Variants in CAPN1 observed in about 807,000 individuals in gnomAD.
The protein encoded by CAPN1 is calpain-1 catalytic subunit.
Under a neutral mutation model 105.2 loss-of-function variants are expected in CAPN1, and 77 were observed. The ratio of observed to expected loss-of-function variants is 0.73; its 90% CI spans 0.61 to 0.88. The LOEUF is 0.88. Ranked by LOEUF, CAPN1 falls within the 40% of genes least tolerant of loss-of-function variation. CAPN1 has a pLI of 0.00. For missense variants in CAPN1, 833 were observed against 976.6 expected (o/e 0.85, Z 1.96); for synonymous variants, 355 against 388.8 (o/e 0.91, Z 1.02).
intron 10 of CAPN1, among the ~76,000 whole-genome samples, chr11:65,203,081 C>A (rs1264671791): frequency 2.0e-5 from 3 of 152,192 alleles, no homozygotes; most frequent in Non-Finnish European, 4.4e-5. Context: ...CTCTTTGTTG[C>A]CAAATAATAT....
Position 65,210,430 on chromosome 11 carries a change from G to T in CAPN1, c.2037G>T (p.Leu679=), listed in dbSNP as rs1426115631. 2 of 1,610,858 alleles carry T rather than the reference G, an allele frequency of 1.2e-6. No homozygotes were observed. The highest frequency in any genetic ancestry group is 2.7e-5 in the African/African-American group (2 of 74,836). The part of the protein sequence containing the change: ...AVDFDNFVCC[L]VRLETMFRFF... ...ACTTTGACAATTTCGTTTGCTGCCT[G>T]GTGCGGCTAGAGACCATGTTCCGTG... Residue 679 remains leucine, a synonymous_variant, in exon 20 of 22, where the codon CTG becomes CTT. Coordinates refer to ENST00000279247, the MANE Select transcript of CAPN1 (RefSeq NM_005186.4). This position sits in a 1 kb window ranked among gnomAD's most constrained non-coding sequence, Gnocchi z 4.3.
At position 65,186,357 on chromosome 11, in the gene CAPN1, G is replaced by A. The variant is rs778450888; in HGVS notation, c.759+19G>A. The A allele has an allele frequency of 8.1e-6, 13 of 1,598,080 alleles. No homozygotes were observed. In the East Asian group the frequency reaches 1.1e-4, roughly 14 times the overall value. ...CATAGACGTGAGTGTGCCCGGCCCC[G>A]ATGCTTTGGTACCCTGGAACCCTGG... On this transcript the variant is annotated intron_variant, in intron 6 of 21. Coordinates refer to ENST00000279247, the MANE Select transcript of CAPN1 (RefSeq NM_005186.4).
At chr11:65,186,793 A>G (rs1245336996) in intron 6 of CAPN1, among the ~76,000 whole-genome samples, 1 of 151,856 alleles carries the variant, frequency 6.6e-6, no homozygotes, top group Non-Finnish European at 1.5e-5. Context: ...CCCCAGTATC[A>G]CTGCCATCCG....
In CAPN1 at chr11:65,206,664, G is replaced by T; in HGVS notation, c.1555G>T (p.Ala519Ser). The T allele has an allele frequency of 6.2e-7, 1 of 1,613,220 alleles. No homozygotes were observed. The highest frequency in any genetic ancestry group is 8.5e-7 in the Non-Finnish European group (1 of 1,179,804). ...FVLRFFSEKS[A>S]GTVELDDQIQ... ...GCTGCGCTTCTTCTCAGAGAAGAGT[G>T]CTGGGACTGTGTGAGTCATGGACTG... is the stretch of plus-strand genomic sequence containing the variant. Residue 519 changes from alanine (A) to serine (S), a missense_variant, in exon 13 of 22, where the codon GCT (alanine) becomes TCT (serine). Physicochemically the swap from Ala to Ser is moderately conservative, Grantham distance 99. Transcript: ENST00000279247.
intron 10 of CAPN1, among the ~76,000 whole-genome samples, chr11:65,195,109 T>TG (rs373715697): frequency 0.011 from 651 of 58,548 alleles, 15 homozygotes; most frequent in Non-Finnish European, 0.015. Context: ...GGTTTTTTTT[T>TG]TTTTTTTTTT....
intron 10 of CAPN1, among the ~76,000 whole-genome samples, chr11:65,201,508 TTTTC>T (rs943197484): frequency 1.5e-4 from 23 of 152,210 alleles, no homozygotes; most frequent in African/African-American, 4.8e-4. Flanking sequence ...GGAGGTTTAA[TTTTC>T]TTTCTTTCTT....
Position 65,182,968 on chromosome 11 carries a change from G to A in CAPN1, c.267G>A (p.Thr89=), listed in dbSNP as rs775574707. 10 of 1,613,342 alleles carry A rather than the reference G, an allele frequency of 6.2e-6. No homozygotes were observed. The highest frequency in any genetic ancestry group is 8.5e-6 in the Non-Finnish European group (10 of 1,179,684). Residue 89 remains threonine, a splice_region_variant and synonymous_variant, in exon 2 of 22, where the codon ACG becomes ACA. Transcript: ENST00000279247. ...ATGGCATCAAGTGGAAGCGTCCCAC[G>A]GTGAGAGGGGCCATCCTGGGTGGGA... is the stretch of plus-strand genomic sequence containing the variant. The part of the protein sequence containing the change: ...KTYGIKWKRP[T]ELLSNPQFIV...
chr11:65,183,381 C>A, intron 3 of CAPN1, 93 bp from the exon 4 acceptor site: 2 of 1,178,152 alleles, frequency 1.7e-6, no homozygotes, highest in Admixed American at 1.9e-5. Context: ...TAAGTGGCAC[C>A]CTGGCCAAGG....
Position 65,210,920 on chromosome 11 carries a change from G to A in CAPN1, c.2118+48G>A, listed in dbSNP as rs770668658. ...GGTTGGGGAAGAGTTCCAGGCGATC[G>A]AATTTTCTTATCTGGCCAGTGTTCC... On this transcript the variant is annotated intron_variant, in intron 21 of 21. Transcript: ENST00000279247. The surrounding 1 kb of genome is among the most constrained non-coding windows in gnomAD (Gnocchi z 4.3). The A allele has an allele frequency of 3.6e-5, 53 of 1,492,912 alleles. No individual in the cohort carries two copies. In the South Asian group the frequency reaches 5.1e-4, roughly 14 times the overall value. The allele number at this position is 1,492,912 out of a possible 1,614,324, so 92.5% of individuals were successfully genotyped here.
chr11:65,206,451 C>T lies in CAPN1; in HGVS notation c.1354-12C>T, dbSNP rs28513968. On this transcript the variant is annotated splice_polypyrimidine_tract_variant and intron_variant, in intron 12 of 21. Coordinates refer to ENST00000279247, the MANE Select transcript of CAPN1 (RefSeq NM_005186.4). ...GGCAGCTGCAGCCCTGCTCCCTCCTCCCTCCCACCAGCTGGTGGGCCAGCC... is the reference window on the plus strand; with the variant it reads ...GGCAGCTGCAGCCCTGCTCCCTCCTTCCTCCCACCAGCTGGTGGGCCAGCC... 1.2e-6 allele frequency: 2 copies of T among 1,610,190 alleles called. No homozygotes were observed. The highest frequency in any genetic ancestry group is 1.7e-5 in the Admixed American group (1 of 60,004).
Position 65,182,884 on chromosome 11 carries a change from C to G in CAPN1, c.183C>G (p.Phe61Leu). The G allele has an allele frequency of 6.2e-7, 1 of 1,603,858 alleles. No homozygotes were observed. The highest frequency in any genetic ancestry group is 8.5e-7 in the Non-Finnish European group (1 of 1,175,374). The change falls in exon 2 of 22, where the codon TTC (phenylalanine) becomes TTG (leucine). Residue 61 changes from phenylalanine (F) to leucine (L), a missense_variant. Phe to Leu is a conservative substitution (Grantham distance 22, BLOSUM62 0). Coordinates refer to ENST00000279247, the MANE Select transcript of CAPN1 (RefSeq NM_005186.4). ...QSGTLFRDEAFPPVPQSLGYK... is the reference protein window; with the variant it reads ...QSGTLFRDEALPPVPQSLGYK... ...GGACCCTCTTCCGTGATGAGGCCTT[C>G]CCCCCGGTACCCCAGAGCCTGGGTT...
intron 14 of CAPN1, among the ~76,000 whole-genome samples, chr11:65,207,344 C>T (rs916900043): frequency 6.6e-6 from 1 of 151,532 alleles, no homozygotes; most frequent in African/African-American, 2.4e-5. Context: ...GGATTACAGG[C>T]GCACGTTACC....
chr11:65,201,719 C>A lies in CAPN1; in HGVS notation c.1166-2964C>A, dbSNP rs1374509066. Among the ~76,000 whole-genome samples the A allele has an allele frequency of 4.6e-5, 7 of 151,824 alleles. No homozygotes were observed. The South Asian group carries it at 1.2e-3, about 27-fold the overall frequency. The stretch of plus-strand genomic sequence containing the variant: ...ATTTTTAGTAGAGACGGGGTTTCAC[C>A]GTGTTAGCCAGGATGGTCTCGATCT... On this transcript the variant is annotated intron_variant, in intron 10 of 21. Transcript: ENST00000279247.
intron 11 of CAPN1, 144 bp downstream of exon 11, chr11:65,205,002 C>A (rs1364568985): frequency 2.9e-6 from 2 of 692,414 alleles, no homozygotes; most frequent in Non-Finnish European, 4.8e-6. Flanking sequence ...CCCCACCATC[C>A]TGAGGGCTGG....
chr11:65,188,453 C>G lies in CAPN1; in HGVS notation c.969C>G (p.Asp323Glu), dbSNP rs1466517731. The G allele has an allele frequency of 6.2e-7, 1 of 1,613,198 alleles. No homozygotes were observed. Among genetic ancestry groups the G allele is most frequent in the East Asian group, 2.2e-5 (1 of 44,862 alleles). Residue 323 changes from aspartate (D) to glutamate (E), a missense_variant, in exon 9 of 22, where the codon GAC (aspartate) becomes GAG (glutamate). Transcript: ENST00000279247. This position sits in a 1 kb window ranked among gnomAD's most constrained non-coding sequence, Gnocchi z 5.5. ...EWNNVDPYER[D>E]QLRVKMEDGE... ...ACAACGTGGACCCATATGAACGGGA[C>G]CAGCTCCGGGTCAAGATGGAGGACG... is the stretch of plus-strand genomic sequence containing the variant.
intron 21 of CAPN1, 155 bp downstream of exon 21, chr11:65,211,027 G>A (rs1949040660): frequency 1.3e-6 from 1 of 782,770 alleles, no homozygotes; most frequent in Non-Finnish European, 2.1e-6. Flanking sequence ...GCTGGGGTGG[G>A]GGTGTCTGGA....
chr11:65,210,240 G>T lies in CAPN1; in HGVS notation c.1943-96G>T. ...TTTTCCCCACGGTTACTAGCACCCT[G>T]CCTAGCCCCAGCCCCCTCCTGGGGA... is the stretch of plus-strand genomic sequence containing the variant. On this transcript the variant is annotated intron_variant, in intron 19 of 21. Transcript: ENST00000279247. The surrounding 1 kb of genome is among the most constrained non-coding windows in gnomAD (Gnocchi z 4.3). 8.8e-7 allele frequency: 1 copy of T among 1,137,476 alleles called. No individual in the cohort carries two copies. The allele number at this position is 1,137,476 out of a possible 1,614,324, so 70.5% of individuals were successfully genotyped here. A position where few individuals can be genotyped will look rare whatever the true frequency, so the allele number is the denominator to read the frequency against.
At chr11:65,190,542 C>T (rs1320530764) in intron 10 of CAPN1, among the ~76,000 whole-genome samples, 1 of 152,138 alleles carries the variant, frequency 6.6e-6, no homozygotes, top group Non-Finnish European at 1.5e-5. Flanking sequence ...TCAAGTAGTC[C>T]TGAGGTATGT....
chr11:65,205,630 A>G, intron 11 of CAPN1, 80 bp from the exon 12 acceptor site: 1 of 1,419,290 alleles, frequency 7.0e-7, no homozygotes, highest in African/African-American at 1.4e-5. Flanking sequence ...CTAAGAACTC[A>G]AGACCTCTGC....
Sources: gnomAD v4.1 joint callset for allele counts (sites outside exome capture counted in the v4.1 genomes callset) on GRCh38, gnomAD v4.1.1 for gene constraint, Gnocchi (gnomAD v3.1) non-coding constraint, MANE v1.5 for transcripts, NCBI Gene and HGNC (gene_info 2026-07-23, HGNC 2026-07-21) for gene names.